GABPB2: variants seen among roughly 807,000 people sequenced by gnomAD.
GABPB2 encodes the protein GA binding protein transcription factor subunit beta 2.
Under a neutral mutation model 39.1 loss-of-function variants are expected in GABPB2, and 23 were observed. The observed-to-expected ratio is 0.59, with a 90% CI of 0.42 to 0.83. The LOEUF (loss-of-function observed/expected upper bound fraction) is 0.83, where lower values mean the gene tolerates loss of function less well. GABPB2 is among the 40% of genes least tolerant of loss of function. GABPB2 has a pLI of 0.00. For synonymous variants in GABPB2, 184 were observed against 199.3 expected, an observed-to-expected ratio of 0.92 and a Z score of 0.65; for missense variants, 467 against 541.1, an observed-to-expected ratio of 0.86 and a Z score of 1.36.
chr1:151,094,043 C>CTTTTTTT (rs59092942), intron 4 of GABPB2, among the ~76,000 whole-genome samples: 1 of 54,016 alleles, frequency 1.9e-5, no homozygotes, highest in Non-Finnish European at 3.3e-5. Context: ...TGATTTCGTC[C>CTTTTTTT]TTTTTTTTTT....
intron 1 of GABPB2, among the ~76,000 whole-genome samples, chr1:151,076,518 C>T (rs1419744503): frequency 1.3e-5 from 2 of 152,006 alleles, no homozygotes; most frequent in Non-Finnish European, 2.9e-5. Context: ...CAAGCTCTGC[C>T]TCCTGGGTTC....
At chr1:151,078,454 A>C (rs1571886619) in intron 1 of GABPB2, among the ~76,000 whole-genome samples, 1 of 147,062 alleles carries the variant, frequency 6.8e-6, no homozygotes, top group Admixed American at 6.8e-5. Flanking sequence ...TTAGCCGGGC[A>C]TGGTGGCGGG....
chr1:151,116,734 A>G (rs1680907771), intron 7 of GABPB2, among the ~76,000 whole-genome samples: 2 of 152,028 alleles, frequency 1.3e-5, no homozygotes, highest in South Asian at 4.2e-4. Context: ...CAGCCTCCCA[A>G]GTAGCTGGAA....
rs1553267304 is a variant in GABPB2 at position 151,109,327 on chromosome 1, T to TATATATATATACACAA, written c.922+2117_922+2132dup. 7.6e-3 allele frequency among the ~76,000 whole-genome samples: 876 copies of TATATATATATACACAA among 114,594 alleles called. 4 individuals are homozygous for TATATATATATACACAA. Among genetic ancestry groups the TATATATATATACACAA allele is most frequent in the Non-Finnish European group, 0.011 (638 of 60,114 alleles). 75.2% of individuals were successfully genotyped at this position (114,594 alleles called of 152,430 possible). ...ATATATATATATATATACACACAAA[T>TATATATATATACACAA]ATATATATATACACAAATATATATA... On this transcript the variant is annotated intron_variant, in intron 7 of 8. Coordinates refer to ENST00000368918, the MANE Select transcript of GABPB2 (RefSeq NM_144618.3).
In GABPB2 at chr1:151,070,790, G is replaced by A. The variant is rs754796490; in HGVS notation, c.-145G>A. 2.0e-5 allele frequency: 3 copies of A among 152,080 alleles called. No individual in the cohort carries two copies. Among genetic ancestry groups the A allele is most frequent in the African/African-American group, 2.4e-5 (1 of 41,390 alleles). 9.4% of individuals were successfully genotyped at this position (152,080 alleles called of 1,614,324 possible). On this transcript the variant is annotated 5_prime_UTR_variant, in exon 1 of 9. Coordinates refer to ENST00000368918, the MANE Select transcript of GABPB2 (RefSeq NM_144618.3). ...TTTTGTTGCCTCTGTTTCTCCACGA[G>A]GGGGGGTTAAAGGCCCCCAAAACAT... is the stretch of plus-strand genomic sequence containing the variant.
chr1:151,090,708 A>G, intron 3 of GABPB2, 135 bp downstream of exon 3: 1 of 855,124 alleles, frequency 1.2e-6, no homozygotes, highest in Non-Finnish European at 1.8e-6. Flanking sequence ...TTGCATCTCC[A>G]GGAGTCTTCA....
In GABPB2 at chr1:151,121,534, G is replaced by C. The variant is rs2101585172; in HGVS notation, c.*3278G>C. 1 of 152,102 alleles carries C rather than the reference G, an allele frequency of 6.6e-6. No individual in the cohort carries two copies. The highest frequency in any genetic ancestry group is 2.4e-5 in the African/African-American group (1 of 41,458). The allele number at this position is 152,102 out of a possible 1,614,324, so 9.4% of individuals were successfully genotyped here. ...GCTCACCGCAACCTCTACCTCCTGG[G>C]TTCAAGTGATTCTCCTGCCTCAGCC... On this transcript the variant is annotated 3_prime_UTR_variant, in exon 9 of 9. Coordinates refer to ENST00000368918, the MANE Select transcript of GABPB2 (RefSeq NM_144618.3).
rs1038426022 is a variant in GABPB2 at position 151,094,821 on chromosome 1, A to G, written c.471+1435A>G. 1.3e-4 allele frequency among the ~76,000 whole-genome samples: 19 copies of G among 146,512 alleles called. 1 individual carries two copies. The highest frequency in any genetic ancestry group is 5.4e-4 in the Admixed American group (8 of 14,934). On this transcript the variant is annotated intron_variant, in intron 4 of 8. Transcript: ENST00000368918. ...CAGGAGTTCGAGACCAGCCTGGCCA[A>G]TATGGTGAAATCCCGTCTCTACTAA...
intron 5 of GABPB2, among the ~76,000 whole-genome samples, chr1:151,099,179 C>CTTTATTT (rs200100368): frequency 3.3e-5 from 5 of 151,280 alleles, no homozygotes; most frequent in African/African-American, 9.7e-5. Context: ...TCAGCATCTC[C>CTTTATTT]TTTATTTTTT....
intron 3 of GABPB2, among the ~76,000 whole-genome samples, chr1:151,091,642 T>A (rs976258127): frequency 6.7e-6 from 1 of 150,026 alleles, no homozygotes; most frequent in Non-Finnish European, 1.5e-5. Flanking sequence ...GCTCAGCTAA[T>A]TTTTTTTTGT....
At chr1:151,081,120 G>A (rs973267132) in intron 1 of GABPB2, among the ~76,000 whole-genome samples, 2 of 150,556 alleles carry the variant, frequency 1.3e-5, no homozygotes, top group African/African-American at 4.9e-5. Flanking sequence ...TCATCCGCCC[G>A]TCTCGGCCTC....
Position 151,118,119 on chromosome 1 carries a change from A to C in GABPB2, c.1210A>C (p.Met404Leu). 1 of 1,614,136 alleles carries C rather than the reference A, an allele frequency of 6.2e-7. No individual in the cohort carries two copies. Among genetic ancestry groups the C allele is most frequent in the Non-Finnish European group, 8.5e-7 (1 of 1,180,026 alleles). The stretch of plus-strand genomic sequence containing the variant: ...GCAGCCCAATGGAGTTGATTTCACC[A>C]TGGTTGAAGAGGTGGCTGAGGTAGA... ...RQQPNGVDFT[M>L]VEEVAEVDAV... is the part of the protein sequence containing the mutation. The change falls in exon 9 of 9, where the codon ATG (methionine) becomes CTG (leucine). Residue 404 changes from methionine to leucine, a missense_variant. Met to Leu is a conservative substitution (Grantham distance 15). Transcript: ENST00000368918.
In GABPB2 at chr1:151,122,371, T is replaced by A. The variant is rs981970120; in HGVS notation, c.*4115T>A. On this transcript the variant is annotated 3_prime_UTR_variant, in exon 9 of 9. Coordinates refer to ENST00000368918, the MANE Select transcript of GABPB2 (RefSeq NM_144618.3). The stretch of plus-strand genomic sequence containing the variant: ...AATTGTTCTATCTGCTGTCAAATAA[T>A]CTTTTCCTGTTTGCAATGTTTTTAT... 1 of 152,200 alleles carries A rather than the reference T, an allele frequency of 6.6e-6. No individual in the cohort carries two copies. Among genetic ancestry groups the A allele is most frequent in the African/African-American group, 2.4e-5 (1 of 41,450 alleles). 9.4% of individuals were successfully genotyped at this position (152,200 alleles called of 1,614,324 possible).
At chr1:151,117,609 A>G in intron 8 of GABPB2, 93 bp downstream of exon 8, 1 of 1,376,350 alleles carries the variant, frequency 7.3e-7, no homozygotes, top group Non-Finnish European at 1.0e-6. Flanking sequence ...TTTGAGACGG[A>G]GTCTTGCTGT....
intron 1 of GABPB2, among the ~76,000 whole-genome samples, chr1:151,085,690 G>A (rs1389797894): frequency 2.0e-5 from 3 of 152,132 alleles, no homozygotes; most frequent in South Asian, 4.1e-4. Flanking sequence ...CTGACCTCGT[G>A]ATCTACCCGC....
intron 5 of GABPB2, among the ~76,000 whole-genome samples, chr1:151,100,740 A>G (rs1234743630): frequency 2.0e-5 from 3 of 149,852 alleles, no homozygotes; most frequent in African/African-American, 7.4e-5. Flanking sequence ...GGTGCCTGCC[A>G]CCACGCCCAG....
chr1:151,075,704 A>G (rs1362201325), intron 1 of GABPB2, among the ~76,000 whole-genome samples: 2 of 151,050 alleles, frequency 1.3e-5, no homozygotes, highest in Non-Finnish European at 3.0e-5. Flanking sequence ...GCGAGACTTC[A>G]TCTCAAAAAA....
intron 5 of GABPB2, among the ~76,000 whole-genome samples, chr1:151,102,143 A>C (rs1679575154): frequency 6.6e-6 from 1 of 152,144 alleles, no homozygotes; most frequent in Non-Finnish European, 1.5e-5. Context: ...CAACATGGCG[A>C]GACCTCGTCT....
chr1:151,090,485 G>GC lies in GABPB2; in HGVS notation c.189dup (p.Arg64GlnfsTer6). 6.2e-7 allele frequency: 1 copy of GC among 1,614,128 alleles called. No homozygotes were observed. The highest frequency in any genetic ancestry group is 1.3e-5 in the African/African-American group (1 of 75,032). On this transcript the variant is annotated frameshift_variant, in exon 3 of 9. Coordinates refer to ENST00000368918, the MANE Select transcript of GABPB2 (RefSeq NM_144618.3). LOFTEE classifies it high-confidence loss of function. ...GAAGTACTCCTTCGAGCAGGTGTTA[G>GC]CAGGGATGCCCGGACTAAAGTAGAC...
Sources: gnomAD v4.1 joint callset for allele counts (sites outside exome capture counted in the v4.1 genomes callset) on GRCh38, gnomAD v4.1.1 for gene constraint, MANE v1.5 for transcripts, NCBI Gene and HGNC (gene_info 2026-07-23, HGNC 2026-07-21) for gene names.